GRAMD2B: variants seen among roughly 807,000 people sequenced by gnomAD.
GRAMD2B encodes the protein GRAM domain containing 2B.
In GRAMD2B, 41 loss-of-function variants were observed where a neutral mutation model predicts 59.2. That is an observed-to-expected ratio of 0.69 (90% CI 0.54 to 0.90). GRAMD2B has a LOEUF of 0.90. Ranked by LOEUF, GRAMD2B falls within the 40% of genes least tolerant of loss-of-function variation. The pLI is 0.00. For missense variants in GRAMD2B, 424 were observed against 500.5 expected (o/e 0.85, Z 1.46); for synonymous variants, 161 against 182.7 (o/e 0.88, Z 0.96).
intron 1 of GRAMD2B, among the ~76,000 whole-genome samples, chr5:126,456,675 CTTCCTT>C (rs1394310335): frequency 2.0e-5 from 3 of 152,240 alleles, no homozygotes; most frequent in Non-Finnish European, 4.4e-5. Flanking sequence ...CCTTCCCTCT[CTTCCTT>C]TTAACAGGCG....
intron 1 of GRAMD2B, among the ~76,000 whole-genome samples, chr5:126,441,469 C>T (rs566191587): frequency 3.3e-5 from 5 of 152,222 alleles, no homozygotes; most frequent in Admixed American, 2.0e-4. Context: ...TACTTTGTCA[C>T]CTTCACACTG....
intron 1 of GRAMD2B, 179 bp from the exon 2 acceptor site, chr5:126,465,247 G>A: frequency 2.1e-6 from 3 of 1,444,218 alleles, no homozygotes; most frequent in Non-Finnish European, 2.7e-6. Flanking sequence ...CTGCCGTTGG[G>A]ACACCAGGCA....
intron 1 of GRAMD2B, among the ~76,000 whole-genome samples, chr5:126,405,491 G>A (rs1410334033): frequency 2.0e-5 from 3 of 151,846 alleles, no homozygotes; most frequent in African/African-American, 4.8e-5. Flanking sequence ...TAATCTGTGC[G>A]AGGCACAGTG....
intron 1 of GRAMD2B, among the ~76,000 whole-genome samples, chr5:126,397,418 T>G (rs1757451509): frequency 6.6e-6 from 1 of 151,616 alleles, no homozygotes; most frequent in South Asian, 2.1e-4. Context: ...TGAAATAGAG[T>G]TTTTCCATGT....
chr5:126,415,224 C>T (rs1440847173), intron 1 of GRAMD2B, among the ~76,000 whole-genome samples: 2 of 152,120 alleles, frequency 1.3e-5, no homozygotes, highest in African/African-American at 2.4e-5. Flanking sequence ...CAAAAGAACA[C>T]GAAGCATCAA....
At chr5:126,425,177 C>G (rs779657892) in intron 1 of GRAMD2B, among the ~76,000 whole-genome samples, 15 of 152,188 alleles carry the variant, frequency 9.9e-5, no homozygotes, top group Non-Finnish European at 1.9e-4. Flanking sequence ...GCAGCACTCC[C>G]ATGTTCATTG....
At chr5:126,412,544 C>T (rs1758899257) in intron 1 of GRAMD2B, among the ~76,000 whole-genome samples, 1 of 152,060 alleles carries the variant, frequency 6.6e-6, no homozygotes, top group South Asian at 2.1e-4. Flanking sequence ...CATCTATGTT[C>T]ATCAGGGATA....
intron 13 of GRAMD2B, 79 bp downstream of exon 13, chr5:126,488,971 C>A: frequency 1.1e-6 from 1 of 907,278 alleles, no homozygotes. Flanking sequence ...AGGGATTACA[C>A]ACTCAGACGC....
intron 5 of GRAMD2B, 32 bp from the exon 6 acceptor site, chr5:126,477,660 G>T: frequency 1.7e-6 from 2 of 1,151,066 alleles, no homozygotes; most frequent in South Asian, 2.4e-5. Context: ...TGTCAAGTCT[G>T]AACTGGCATT....
intron 2 of GRAMD2B, among the ~76,000 whole-genome samples, chr5:126,467,206 T>C (rs978422026): frequency 4.6e-5 from 7 of 151,944 alleles, no homozygotes; most frequent in Admixed American, 4.6e-4. Context: ...ACCCAGAAAG[T>C]GGAGGTTGCA....
At chr5:126,466,356 G>C in intron 2 of GRAMD2B, 3 of 1,048,026 alleles carry the variant, frequency 2.9e-6, no homozygotes, top group Non-Finnish European at 4.4e-6. Context: ...AACTCCTCCC[G>C]AAATTTTCCT....
chr5:126,465,137 G>A, intron 1 of GRAMD2B: 1 of 1,258,318 alleles, frequency 7.9e-7, no homozygotes, highest in Non-Finnish European at 1.0e-6. Context: ...TGCTGCCCCA[G>A]CACAGCCCAT....
chr5:126,419,335 C>T (rs537860394), upstream of GRAMD2B, among the ~76,000 whole-genome samples: 5 of 151,098 alleles, frequency 3.3e-5, no homozygotes, highest in African/African-American at 4.9e-5. Context: ...AGAGAGAGAG[C>T]GAGAGAGAGC....
chr5:126,476,952 G>A (rs1325653862), intron 5 of GRAMD2B, among the ~76,000 whole-genome samples: 1 of 152,190 alleles, frequency 6.6e-6, no homozygotes, highest in African/African-American at 2.4e-5. Flanking sequence ...CTGAGGCCTA[G>A]AACGGATAGC....
chr5:126,402,290 G>A (rs757971176), intron 1 of GRAMD2B, among the ~76,000 whole-genome samples: 31 of 152,176 alleles, frequency 2.0e-4, no homozygotes, highest in East Asian at 3.9e-4. Flanking sequence ...CTCTCCAAGT[G>A]TACCATTCTT....
intron 1 of GRAMD2B, among the ~76,000 whole-genome samples, chr5:126,456,047 C>A (rs1403192921): frequency 6.6e-6 from 1 of 152,178 alleles, no homozygotes; most frequent in Non-Finnish European, 1.5e-5. Context: ...GATAGTAAAT[C>A]CACTGATTTT....
At chr5:126,433,454 C>G (rs537444500) in intron 1 of GRAMD2B, 48 of 152,268 alleles carry the variant, frequency 3.2e-4, no homozygotes, top group Non-Finnish European at 6.5e-4. Context: ...CTGCGTAGCT[C>G]TCTTAACTTT....
chr5:126,438,905 G>A (rs1261874779), intron 1 of GRAMD2B, among the ~76,000 whole-genome samples: 3 of 152,226 alleles, frequency 2.0e-5, no homozygotes, highest in African/African-American at 7.2e-5. Context: ...CTCTGAGGCT[G>A]AAACACACAG....
chr5:126,447,389 G>A lies in GRAMD2B; in HGVS notation c.84-18037G>A, dbSNP rs1336642868. Among the ~76,000 whole-genome samples, 8 of 152,156 alleles carry A rather than the reference G, an allele frequency of 5.3e-5. 1 individual carries two copies. Among genetic ancestry groups the A allele is most frequent in the South Asian group, 2.1e-4 (1 of 4,832 alleles). On this transcript the variant is annotated intron_variant, in intron 1 of 13. Coordinates refer to ENST00000285689, the MANE Select transcript of GRAMD2B (RefSeq NM_023927.4). Reference sequence around the variant, plus strand: ...AGAAATCAGAAAGCCTAGGCCGGGCGCAGTGGCTCACGCCTGTAATCCCAG... The same window carrying A: ...AGAAATCAGAAAGCCTAGGCCGGGCACAGTGGCTCACGCCTGTAATCCCAG...
Sources: allele counts gnomAD v4.1 joint callset (sites outside exome capture counted in the v4.1 genomes callset), GRCh38; gene constraint gnomAD v4.1.1; transcripts MANE v1.5; gene names NCBI Gene and HGNC (gene_info 2026-07-23, HGNC 2026-07-21).